Variants in RTN4RL1 observed in about 807,000 individuals in gnomAD.
RTN4RL1 encodes reticulon-4 receptor-like 1.
In RTN4RL1, 7 loss-of-function variants were observed where a neutral mutation model predicts 25.6. The ratio of observed to expected loss-of-function variants is 0.27; its 90% confidence interval spans 0.16 to 0.51. The LOEUF (loss-of-function observed/expected upper bound fraction) is 0.51. Ranked by LOEUF, RTN4RL1 falls within the 20% of genes least tolerant of loss-of-function variation. The pLI, the probability that RTN4RL1 is intolerant of heterozygous loss-of-function variation, is 0.97. For missense variants in RTN4RL1, 500 were observed against 615.6 expected (o/e 0.81, Z 1.99); for synonymous variants, 297 against 288.2 (o/e 1.03, Z -0.31).
At chr17:2,014,810 C>T (rs1160159313) in intron 1 of RTN4RL1, among the ~76,000 whole-genome samples, 4 of 148,504 alleles carry the variant, frequency 2.7e-5, no homozygotes, top group East Asian at 2.0e-4. Context: ...CCAGCCTGGA[C>T]GACAGGGAAG....
chr17:1,982,613 C>CAAAAG (rs71150842), intron 1 of RTN4RL1, among the ~76,000 whole-genome samples: 24,981 of 148,900 alleles, frequency 0.17, 2,225 homozygotes, highest in African/African-American at 0.22. Flanking sequence ...GACTCCGTCT[C>CAAAAG]AAAAGAAAAG....
At chr17:1,975,053 CA>C (rs2066836950) in intron 1 of RTN4RL1, among the ~76,000 whole-genome samples, 1 of 152,202 alleles carries the variant, frequency 6.6e-6, no homozygotes, top group East Asian at 1.9e-4. Context: ...TGAGTGTTGG[CA>C]CCTGCGGCAC....
chr17:1,944,082 C>A (rs932537354), intron 1 of RTN4RL1, among the ~76,000 whole-genome samples: 1 of 152,178 alleles, frequency 6.6e-6, no homozygotes, highest in African/African-American at 2.4e-5. Flanking sequence ...CACACCACCA[C>A]GCTCCGTGAA....
intron 1 of RTN4RL1, among the ~76,000 whole-genome samples, chr17:1,966,412 T>G (rs370940814): frequency 6.6e-6 from 1 of 152,100 alleles, no homozygotes; most frequent in Non-Finnish European, 1.5e-5. Flanking sequence ...ATGCTTCAGA[T>G]GGAAACCGAT....
intron 1 of RTN4RL1, among the ~76,000 whole-genome samples, chr17:1,957,488 A>G (rs942589496): frequency 3.9e-5 from 6 of 152,194 alleles, no homozygotes; most frequent in African/African-American, 1.4e-4. Context: ...TCTCCTCTCA[A>G]TTATTATAAG....
intron 1 of RTN4RL1, among the ~76,000 whole-genome samples, chr17:1,971,768 C>G (rs913227740): frequency 2.6e-5 from 4 of 151,948 alleles, no homozygotes; most frequent in Admixed American, 2.6e-4. Context: ...CGAGACCATC[C>G]TAGCTAACAT....
rs1915301101 is a variant in RTN4RL1, at chr17:1,936,259, G to A, written c.*237C>T. 2 of 1,363,834 alleles carry A rather than the reference G, an allele frequency of 1.5e-6. No homozygotes were observed. Among genetic ancestry groups the A allele is most frequent in the East Asian group, 3.0e-5 (1 of 33,710 alleles). 84.5% of individuals were successfully genotyped at this position (1,363,834 alleles called of 1,614,324 possible). A position where few individuals can be genotyped will look rare whatever the true frequency, so the allele number is the denominator to read the frequency against. ...TTGCCAGAGTGGACACTGTCCGTGG[G>A]CGCTCTGCGGGGCTGGCTGGGACAG... On this transcript the variant is annotated 3_prime_UTR_variant, in exon 2 of 2. Coordinates refer to ENST00000331238, the MANE Select transcript of RTN4RL1 (RefSeq NM_178568.4).
chr17:1,984,777 G>A (rs2066880993), intron 1 of RTN4RL1, among the ~76,000 whole-genome samples: 1 of 152,152 alleles, frequency 6.6e-6, no homozygotes, highest in South Asian at 2.1e-4. Context: ...AGCCAGCCTG[G>A]CCAACATGGT....
intron 1 of RTN4RL1, among the ~76,000 whole-genome samples, chr17:2,005,048 G>A (rs1025457336): frequency 2.6e-5 from 4 of 152,140 alleles, no homozygotes; most frequent in African/African-American, 4.8e-5. Context: ...CTCTGTTGCC[G>A]AGGTTAGAGT....
At chr17:1,955,037 C>T (rs898124777) in intron 1 of RTN4RL1, among the ~76,000 whole-genome samples, 5 of 152,056 alleles carry the variant, frequency 3.3e-5, no homozygotes, top group Non-Finnish European at 5.9e-5. Context: ...TAAGAATCTC[C>T]GGTCCCAGGC....
At chr17:1,974,921 T>C (rs970476511) in intron 1 of RTN4RL1, among the ~76,000 whole-genome samples, 1 of 152,184 alleles carries the variant, frequency 6.6e-6, no homozygotes, top group Non-Finnish European at 1.5e-5. Context: ...CTTTACTAGC[T>C]GGGAAGGAAC....
intron 1 of RTN4RL1, among the ~76,000 whole-genome samples, chr17:1,970,832 C>T (rs1597502053): frequency 6.6e-6 from 1 of 152,170 alleles, no homozygotes; most frequent in African/African-American, 2.4e-5. Flanking sequence ...ATTTTTAAAC[C>T]TCTCAAGCAG....
At position 1,936,845 on chromosome 17, in the gene RTN4RL1, C is replaced by G; in HGVS notation, c.977G>C (p.Arg326Pro). The change falls in exon 2 of 2, where the codon CGC becomes CCC. Residue 326 changes from arginine to proline, a missense_variant. Physicochemically the swap from Arg to Pro is moderately radical, Grantham distance 103. This residue lies in a region of RTN4RL1 where 268 missense variants were observed against 274.5 expected (regional missense o/e 0.98). Coordinates refer to ENST00000331238, the MANE Select transcript of RTN4RL1 (RefSeq NM_178568.4). ...GCCGTGGGGTGAGTGGTGTTCCTTG[C>G]GGGCGGCCCTGTCGGTGGTGGTGAG... ...HTLTTTDRAA[R>P]KEHHSPHGPT... The G allele has an allele frequency of 6.3e-7, 1 of 1,585,120 alleles. No homozygotes were observed. The highest frequency in any genetic ancestry group is 1.8e-5 in the Admixed American group (1 of 55,724).
intron 1 of RTN4RL1, 50 bp from the exon 2 acceptor site, chr17:1,937,858 C>A (rs1362834335): frequency 7.0e-7 from 1 of 1,421,834 alleles, no homozygotes; most frequent in Non-Finnish European, 9.6e-7. Context: ...CAGGTGAGGA[C>A]TGGCACCGCA....
In RTN4RL1 at chr17:1,992,262, G is replaced by C. The variant is rs543832333; in HGVS notation, c.13+32591C>G. 2.0e-5 allele frequency among the ~76,000 whole-genome samples: 3 copies of C among 151,854 alleles called. No homozygotes were observed. The South Asian group carries it at 6.2e-4, about 32-fold the overall frequency. ...GCCTGCAGTCCCAGCTACTTGGGGGGGCAGGAGAATGGCGTGAACCCGGGA... is the reference window on the plus strand; with the variant it reads ...GCCTGCAGTCCCAGCTACTTGGGGGCGCAGGAGAATGGCGTGAACCCGGGA... On this transcript the variant is annotated intron_variant, in intron 1 of 1. Coordinates refer to ENST00000331238, the MANE Select transcript of RTN4RL1 (RefSeq NM_178568.4).
At chr17:1,946,542 T>C (rs529216669) in intron 1 of RTN4RL1, among the ~76,000 whole-genome samples, 40 of 151,246 alleles carry the variant, frequency 2.6e-4, no homozygotes, top group Non-Finnish European at 4.6e-4. Flanking sequence ...TGTGTGTGCA[T>C]GGCAAATGTG....
intron 1 of RTN4RL1, among the ~76,000 whole-genome samples, chr17:1,939,355 T>C (rs1430999452): frequency 1.4e-5 from 2 of 143,692 alleles, no homozygotes; most frequent in Non-Finnish European, 3.0e-5. Flanking sequence ...TCCGTCTCAA[T>C]AAATAAATAA....
At chr17:1,979,902 C>T (rs190601452) in intron 1 of RTN4RL1, among the ~76,000 whole-genome samples, 1 of 152,274 alleles carries the variant, frequency 6.6e-6, no homozygotes, top group African/African-American at 2.4e-5. Flanking sequence ...AAGGAAATCT[C>T]TGTTCTTCAG....
chr17:1,942,226 C>T (rs1018266188), intron 1 of RTN4RL1, among the ~76,000 whole-genome samples: 3 of 152,176 alleles, frequency 2.0e-5, no homozygotes, highest in African/African-American at 7.2e-5. Flanking sequence ...CTCGGGTATC[C>T]CCAAACCTCC....
Sources: gnomAD v4.1 joint callset for allele counts (sites outside exome capture counted in the v4.1 genomes callset) on GRCh38, gnomAD v4.1.1 for gene constraint, gnomAD v4.1.1 regional missense constraint, MANE v1.5 for transcripts, NCBI Gene and HGNC (gene_info 2026-07-23, HGNC 2026-07-21) for gene names.